Variants in FMO4 observed in about 807,000 individuals in gnomAD.
The protein encoded by FMO4 is flavin containing dimethylaniline monoxygenase 4, also known as dimethylaniline monooxygenase [N-oxide-forming] 4.
FMO4 carries 38 observed loss-of-function variants against 43.3 expected under a neutral mutation model. The ratio of observed to expected loss-of-function variants is 0.88; its 90% CI spans 0.68 to 1.15. FMO4 has a LOEUF of 1.15. Ranked by LOEUF, FMO4 falls within the 50% of genes most tolerant of loss-of-function variation. The pLI, the probability that FMO4 is intolerant of heterozygous loss-of-function variation, is 0.00. For synonymous variants in FMO4, 224 were observed against 232.2 expected (o/e 0.96, Z 0.32); for missense variants, 631 against 663.3 (o/e 0.95, Z 0.54).
At chr1:171,336,463 T>C (rs1416927655) in intron 8 of FMO4, among the ~76,000 whole-genome samples, 1 of 152,078 alleles carries the variant, frequency 6.6e-6, no homozygotes, top group Admixed American at 6.6e-5. Flanking sequence ...TAAGACTGTC[T>C]AGATGGGAGA....
intron 6 of FMO4, 136 bp from the exon 7 acceptor site, chr1:171,332,573 A>G (rs1383479177): frequency 1.1e-5 from 7 of 639,616 alleles, no homozygotes; most frequent in Non-Finnish European, 1.6e-5. Context: ...AATCGTATGT[A>G]GACCTATGTA....
At chr1:171,331,876 C>A in intron 6 of FMO4, 94 bp downstream of exon 6, 3 of 1,042,482 alleles carry the variant, frequency 2.9e-6, no homozygotes, top group Admixed American at 2.0e-5. Flanking sequence ...TGGCCAATTG[C>A]TAAATTATGC....
At chr1:171,315,156 G>A (rs1351824528) in intron 1 of FMO4, among the ~76,000 whole-genome samples, 2 of 152,184 alleles carry the variant, frequency 1.3e-5, no homozygotes, top group African/African-American at 4.8e-5. Context: ...TCCAGGCGTG[G>A]TGCCGCCTGC....
chr1:171,334,546 T>C lies in FMO4; in HGVS notation c.963T>C (p.Ile321=). 1 of 1,613,616 alleles carries C rather than the reference T, an allele frequency of 6.2e-7. No homozygotes were observed. Among genetic ancestry groups the C allele is most frequent in the Non-Finnish European group, 8.5e-7 (1 of 1,179,548 alleles). ...VFEDGTVEEN[I]DVVIFTTGYT... ...AAGATGGGACAGTGGAAGAAAACAT[T>C]GATGTTGTGATCTTCACTACAGGAT... The change falls in exon 8 of 10, where the codon ATT becomes ATC. Residue 321 remains isoleucine, a synonymous_variant. Transcript: ENST00000367749.
chr1:171,331,679 A>G lies in FMO4; in HGVS notation c.524A>G (p.Glu175Gly), dbSNP rs904483581. 1.2e-6 allele frequency: 2 copies of G among 1,613,824 alleles called. No individual in the cohort carries two copies. Among genetic ancestry groups the G allele is most frequent in the African/African-American group, 1.3e-5 (1 of 74,922 alleles). ...KFKGQILHSQ[E>G]YKIPEGFQGK... ...AAAGGTCAGATCCTGCATAGTCAAG[A>G]GTACAAGATCCCAGAAGGCTTTCAG... The change falls in exon 6 of 10, where the codon GAG (glutamate) becomes GGG (glycine). Residue 175 changes from glutamate (E) to glycine (G), a missense_variant. Transcript: ENST00000367749.
intron 5 of FMO4, among the ~76,000 whole-genome samples, chr1:171,326,979 C>G (rs1662694057): frequency 1.3e-5 from 2 of 151,738 alleles, no homozygotes; most frequent in South Asian, 4.2e-4. Flanking sequence ...TGACTCAGAA[C>G]TATCTACACA....
rs562100962 is a variant in FMO4 at position 171,323,386 on chromosome 1, G to A, written c.321+194G>A. Among the ~76,000 whole-genome samples the A allele has an allele frequency of 1.1e-4, 16 of 152,232 alleles. No individual in the cohort carries two copies. In the East Asian group the frequency reaches 2.7e-3, roughly 26 times the overall value. ...ATCGTTAAAATACTGAATTGGGGACGGGTGCAGTGGCTCACACCTGTAATC... is the reference window on the plus strand; with the variant it reads ...ATCGTTAAAATACTGAATTGGGGACAGGTGCAGTGGCTCACACCTGTAATC... On this transcript the variant is annotated intron_variant, in intron 4 of 9. Coordinates refer to ENST00000367749, the MANE Select transcript of FMO4 (RefSeq NM_002022.3).
chr1:171,337,474 CA>C (rs757795780), intron 9 of FMO4, 49 bp downstream of exon 9: 22 of 1,270,936 alleles, frequency 1.7e-5, no homozygotes, highest in Non-Finnish European at 2.4e-5. Flanking sequence ...TATTCTGTTA[CA>C]AAAAAAGGAT....
intron 5 of FMO4, among the ~76,000 whole-genome samples, chr1:171,324,890 G>C (rs947391528): frequency 2.7e-5 from 4 of 145,530 alleles, no homozygotes; most frequent in African/African-American, 1.1e-4. Flanking sequence ...GGGAGGCCGA[G>C]GGAGGCCAGA....
chr1:171,315,011 G>T (rs935176581), intron 1 of FMO4, among the ~76,000 whole-genome samples: 1 of 152,174 alleles, frequency 6.6e-6, no homozygotes, highest in Non-Finnish European at 1.5e-5. Context: ...AGCAACCTAT[G>T]GCTGGCACGG....
Position 171,341,763 on chromosome 1 carries a change from C to T in FMO4, c.1601C>T (p.Ser534Leu), listed in dbSNP as rs979718811. The change falls in exon 10 of 10, where the codon TCA becomes TTA. Residue 534 changes from serine to leucine, a missense_variant. Physicochemically the swap from Ser to Leu is moderately radical, Grantham distance 145. Coordinates refer to ENST00000367749, the MANE Select transcript of FMO4 (RefSeq NM_002022.3). ...LASLLLICKS[S>L]LFLKLVRDKL... ...TCTCTTCTACTTATCTGTAAATCTT[C>T]ACTTTTCTTGAAATTGGTGAGAGAT... 2 of 1,613,728 alleles carry T rather than the reference C, an allele frequency of 1.2e-6. No individual in the cohort carries two copies. The highest frequency in any genetic ancestry group is 1.7e-6 in the Non-Finnish European group (2 of 1,179,902).
chr1:171,324,014 A>T, intron 4 of FMO4, 124 bp from the exon 5 acceptor site: 1 of 803,182 alleles, frequency 1.2e-6, no homozygotes, highest in South Asian at 2.8e-5. Context: ...TGATAAATCA[A>T]TATTAATAGA....
At position 171,341,770 on chromosome 1, in the gene FMO4, C is replaced by G. The variant is rs1398072927; in HGVS notation, c.1608C>G (p.Phe536Leu). 6.2e-7 allele frequency: 1 copy of G among 1,613,760 alleles called. No homozygotes were observed. The highest frequency in any genetic ancestry group is 1.3e-5 in the African/African-American group (1 of 74,898). Reference protein sequence around the residue: ...SLLLICKSSLFLKLVRDKLQD... With the variant: ...SLLLICKSSLLLKLVRDKLQD... ...TACTTATCTGTAAATCTTCACTTTT[C>G]TTGAAATTGGTGAGAGATAAACTAC... Residue 536 changes from phenylalanine to leucine, a missense_variant, in exon 10 of 10, where the codon TTC (phenylalanine) becomes TTG (leucine). Transcript: ENST00000367749.
intron 3 of FMO4, among the ~76,000 whole-genome samples, 165 bp downstream of exon 3, chr1:171,320,122 T>C (rs905061026): frequency 3.3e-5 from 5 of 152,140 alleles, no homozygotes; most frequent in East Asian, 3.9e-4. Flanking sequence ...TGCAGTCTGA[T>C]TGGTGAGGAA....
intron 5 of FMO4, among the ~76,000 whole-genome samples, chr1:171,324,586 G>A (rs1214577591): frequency 6.6e-6 from 1 of 152,018 alleles, no homozygotes; most frequent in African/African-American, 2.4e-5. Flanking sequence ...GATCTGTCAT[G>A]AAAAAGAACA....
chr1:171,334,745 G>A lies in FMO4; in HGVS notation c.1162G>A (p.Val388Ile). 1 of 1,569,030 alleles carries A rather than the reference G, an allele frequency of 6.4e-7. No homozygotes were observed. Among genetic ancestry groups the A allele is most frequent in the Non-Finnish European group, 8.6e-7 (1 of 1,162,680 alleles). ...AGGCACAGAGCTCCAAGCACGATGG[G>A]TCACAAGAGTATTCAAAGGTACCAT... ...LSGTELQARW[V>I]TRVFKGLCKI... is the part of the protein sequence containing the mutation. Residue 388 changes from valine to isoleucine, a missense_variant, in exon 8 of 10, where the codon GTC becomes ATC. Coordinates refer to ENST00000367749, the MANE Select transcript of FMO4 (RefSeq NM_002022.3).
At chr1:171,341,190 C>A (rs1466093649) in intron 9 of FMO4, among the ~76,000 whole-genome samples, 1 of 152,048 alleles carries the variant, frequency 6.6e-6, no homozygotes, top group East Asian at 1.9e-4. Context: ...AAATTAATTG[C>A]CTCCTTTTAC....
At chr1:171,329,189 T>C (rs1356262788) in intron 5 of FMO4, among the ~76,000 whole-genome samples, 1 of 152,016 alleles carries the variant, frequency 6.6e-6, no homozygotes, top group East Asian at 1.9e-4. Context: ...AGAAAAGTTC[T>C]TTCTGAACTG....
At position 171,319,896 on chromosome 1, in the gene FMO4, A is replaced by C; in HGVS notation, c.71A>C (p.Glu24Ala). 3 of 1,613,914 alleles carry C rather than the reference A, an allele frequency of 1.9e-6. No individual in the cohort carries two copies. The highest frequency in any genetic ancestry group is 2.5e-6 in the Non-Finnish European group (3 of 1,179,840). The change falls in exon 3 of 10, where the codon GAG becomes GCG. Residue 24 changes from glutamate to alanine, a missense_variant. By Grantham distance (107) the Glu-to-Ala change is moderately radical. Transcript: ENST00000367749. ...TCCTCCATCAAATGCTGTGTGGATG[A>C]GGACCTGGAGCCCACCTGCTTTGAG... ...GLSSIKCCVDEDLEPTCFERS... is the reference protein window; with the variant it reads ...GLSSIKCCVDADLEPTCFERS...
Sources: gnomAD v4.1 joint callset for allele counts (sites outside exome capture counted in the v4.1 genomes callset) on GRCh38, gnomAD v4.1.1 for gene constraint, MANE v1.5 for transcripts, NCBI Gene and HGNC (gene_info 2026-07-23, HGNC 2026-07-21) for gene names.